MMP26: variants seen among roughly 807,000 people sequenced by gnomAD.
The protein encoded by MMP26 is matrix metalloproteinase-26.
MMP26 carries 33 observed loss-of-function variants against 31.0 expected under a neutral mutation model. The ratio of observed to expected loss-of-function variants is 1.06; its 90% confidence interval spans 0.81 to 1.42. MMP26 has a LOEUF of 1.42. Ranked by LOEUF, MMP26 falls within the 40% of genes most tolerant of loss-of-function variation. The pLI is 0.00. For missense variants in MMP26, 347 were observed against 316.1 expected (o/e 1.10, Z -0.74); for synonymous variants, 122 against 114.9 (o/e 1.06, Z -0.40).
chr11:4,977,288 A>T (rs1165299875), intron 2 of MMP26, among the ~76,000 whole-genome samples: 2 of 152,150 alleles, frequency 1.3e-5, no homozygotes, highest in Non-Finnish European at 2.9e-5. Context: ...AACTAGTGGA[A>T]AGAGAAATTA....
intron 4 of MMP26, 32 bp downstream of exon 4, chr11:4,989,900 G>A: frequency 6.4e-7 from 1 of 1,558,176 alleles, no homozygotes. Context: ...AGGATAATGT[G>A]TGGGGTGATG....
At chr11:4,740,681 C>CA (rs761691284) in intron 1 of MMP26, among the ~76,000 whole-genome samples, 4,353 of 90,290 alleles carry the variant, frequency 0.048, 152 homozygotes, top group African/African-American at 0.11. Flanking sequence ...GAGACTCTGT[C>CA]AAAAAAAAAA....
At chr11:4,803,910 C>T in intron 2 of MMP26, 1 of 1,613,184 alleles carries the variant, frequency 6.2e-7, no homozygotes, top group Non-Finnish European at 8.5e-7. Context: ...GGCTCACCCA[C>T]AGCAGCCCTC....
At chr11:4,742,444 G>T (rs1428150497) in intron 1 of MMP26, among the ~76,000 whole-genome samples, 1 of 152,110 alleles carries the variant, frequency 6.6e-6, no homozygotes, top group African/African-American at 2.4e-5. Flanking sequence ...CATGAGGGGA[G>T]GGGTATGATG....
chr11:4,810,197 T>C lies in MMP26; in HGVS notation c.-145+42856T>C, dbSNP rs539648099. Among the ~76,000 whole-genome samples, 21 of 152,134 alleles carry C rather than the reference T, an allele frequency of 1.4e-4. No homozygotes were observed. In the East Asian group the frequency reaches 2.9e-3, roughly 21 times the overall value. On this transcript the variant is annotated intron_variant, in intron 2 of 7. Transcript: ENST00000380390. ...ATGCTTGTGCAAAAAAGGTGTGTTG[T>C]TGAGATTGTATGAATGTGATTTTAT... is the stretch of plus-strand genomic sequence containing the variant.
At chr11:4,720,543 T>A (rs891445501) in intron 1 of MMP26, among the ~76,000 whole-genome samples, 1 of 151,964 alleles carries the variant, frequency 6.6e-6, no homozygotes, top group African/African-American at 2.4e-5. Flanking sequence ...ATTAGAGGAC[T>A]GAAAGGGAAA....
chr11:4,833,531 CT>C (rs1849674427), intron 2 of MMP26, among the ~76,000 whole-genome samples: 1 of 152,090 alleles, frequency 6.6e-6, no homozygotes, highest in Non-Finnish European at 1.5e-5. Context: ...TAAGTATGTT[CT>C]TTACTTTGCT....
At chr11:4,822,072 G>A (rs1564788496) in intron 2 of MMP26, 2 of 1,613,538 alleles carry the variant, frequency 1.2e-6, no homozygotes, top group Non-Finnish European at 1.7e-6. Context: ...CTTGCATCCT[G>A]CTCTCCTATA....
intron 2 of MMP26, chr11:4,907,204 T>C: frequency 1.8e-6 from 1 of 544,828 alleles, no homozygotes; most frequent in Non-Finnish European, 3.3e-6. Context: ...TTTAAGGACT[T>C]CTGGTAAATT....
Position 4,848,579 on chromosome 11 carries a change from A to G in MMP26, c.-145+81238A>G, listed in dbSNP as rs534549264. 1.0e-4 allele frequency: 165 copies of G among 1,607,586 alleles called. 3 individuals are homozygous for G. The South Asian group carries it at 1.7e-3, about 17-fold the overall frequency. On this transcript the variant is annotated intron_variant, in intron 2 of 7. Coordinates refer to ENST00000380390, the MANE Select transcript of MMP26 (RefSeq NM_021801.5). ...GGGGGTCCAAACCCATGGCTGAAAG[A>G]ACCACAAATAGGCTGTAGGCTGCAC...
chr11:4,808,762 T>C (rs1470390121), intron 2 of MMP26, among the ~76,000 whole-genome samples: 2 of 36,682 alleles, frequency 5.5e-5, no homozygotes, highest in Admixed American at 6.5e-4. Flanking sequence ...CAGATTTTCT[T>C]TTTTTTTTTT....
chr11:4,911,687 C>A (rs1157075324), intron 2 of MMP26, among the ~76,000 whole-genome samples: 1 of 152,164 alleles, frequency 6.6e-6, no homozygotes, highest in Non-Finnish European at 1.5e-5. Context: ...ATATTGTTCA[C>A]AATTTTGTTC....
chr11:4,923,346 G>A, intron 2 of MMP26: 2 of 1,519,386 alleles, frequency 1.3e-6, no homozygotes, highest in South Asian at 1.3e-5. Flanking sequence ...TGGGCTTTAT[G>A]TCCAAAACTT....
intron 2 of MMP26, among the ~76,000 whole-genome samples, chr11:4,940,080 A>G (rs1846186209): frequency 6.6e-6 from 1 of 151,582 alleles, no homozygotes; most frequent in Non-Finnish European, 1.5e-5. Context: ...ATTATATTAT[A>G]TATTATTATA....
chr11:4,973,384 A>G (rs574973396), intron 2 of MMP26: 1 of 152,444 alleles, frequency 6.6e-6, no homozygotes, highest in Non-Finnish European at 1.5e-5. Context: ...AATATTTTAG[A>G]TGTTTTAGAG....
intron 2 of MMP26, among the ~76,000 whole-genome samples, chr11:4,978,372 A>G (rs775511960): frequency 2.0e-5 from 3 of 152,060 alleles, no homozygotes; most frequent in Non-Finnish European, 2.9e-5. Flanking sequence ...AGCACTTCTA[A>G]CTCATTCTGA....
intron 2 of MMP26, chr11:4,937,925 A>G (rs111666316): frequency 0.019 from 2,844 of 152,316 alleles, 34 homozygotes; most frequent in Middle Eastern, 0.037. Context: ...GCCACATACC[A>G]GTCAAATGCC....
At position 4,732,166 on chromosome 11, in the gene MMP26, C is replaced by T. The variant is rs145202453; in HGVS notation, c.-217+27121C>T. On this transcript the variant is annotated intron_variant, in intron 1 of 7. Transcript: ENST00000380390. ...CTGAACCATCCCATTGAATTGCTTC[C>T]ACTTCTCGTTCGATATTCTCCTGTA... Among the ~76,000 whole-genome samples, 113 of 152,204 alleles carry T rather than the reference C, an allele frequency of 7.4e-4. 1 individual carries two copies. Among genetic ancestry groups the T allele is most frequent in the African/African-American group, 2.6e-3 (109 of 41,544 alleles).
At chr11:4,972,293 A>G (rs181284398) in intron 2 of MMP26, among the ~76,000 whole-genome samples, 118 of 152,332 alleles carry the variant, frequency 7.7e-4, no homozygotes, top group African/African-American at 2.8e-3. Context: ...GAACCTGGGT[A>G]GAGGAGATAG....
Sources: gnomAD v4.1 joint callset for allele counts (sites outside exome capture counted in the v4.1 genomes callset) on GRCh38, gnomAD v4.1.1 for gene constraint, MANE v1.5 for transcripts, NCBI Gene and HGNC (gene_info 2026-07-23, HGNC 2026-07-21) for gene names.